The following DNAH17 variants were observed in gnomAD, a reference collection of about 807,000 sequenced individuals.
DNAH17 encodes dynein axonemal heavy chain 17.
A neutral mutation model predicts 485.6 loss-of-function variants in DNAH17; 376 were observed. That is an observed-to-expected ratio of 0.77 (90% CI 0.71 to 0.84). The LOEUF (loss-of-function observed/expected upper bound fraction) is 0.84, where lower values mean the gene tolerates loss of function less well. Among genes scored for constraint, DNAH17 ranks in the 40% least tolerant of loss-of-function variants. The pLI, the probability that DNAH17 is intolerant of heterozygous loss-of-function variation, is 0.00. For missense variants in DNAH17, 6,370 were observed against 5,839.3 expected, an observed-to-expected ratio of 1.09 and a Z score of -2.96; for synonymous variants, 3,031 against 2,405.9, an observed-to-expected ratio of 1.26 and a Z score of -7.60.
In DNAH17 at chr17:78,538,970, C is replaced by T. The variant is rs146410713; in HGVS notation, c.2676+767G>A. Among the ~76,000 whole-genome samples, 512 of 152,288 alleles carry T rather than the reference C, an allele frequency of 3.4e-3. 5 individuals are homozygous for T. The highest frequency in any genetic ancestry group is 0.012 in the African/African-American group (485 of 41,564). ...ATGCAGGGCTGGGCACAGTGGTTCA[C>T]GCCTGTAATCCCAGCACTTTGGGAG... On this transcript the variant is annotated intron_variant, in intron 18 of 80. Transcript: ENST00000389840.
In DNAH17 at chr17:78,526,715, T is replaced by TCC. The variant is rs750612888; in HGVS notation, c.3645_3646dup (p.Glu1216GlyfsTer21). 1.6e-5 allele frequency: 25 copies of TCC among 1,609,474 alleles called. No individual in the cohort carries two copies. Among genetic ancestry groups the TCC allele is most frequent in the Non-Finnish European group, 1.8e-5 (21 of 1,176,680 alleles). On this transcript the variant is annotated frameshift_variant, in exon 24 of 81. Transcript: ENST00000389840. LOFTEE classifies it high-confidence loss of function. ...GAACGGGGCCTCGCGCCTGAACCTC[T>TCC]CCCTGAACTCATGTTGCTTGAGCTG...
chr17:78,526,772 G>A (rs779442956), intron 23 of DNAH17, 35 bp from the exon 24 acceptor site: 21 of 1,577,332 alleles, frequency 1.3e-5, no homozygotes, highest in African/African-American at 2.7e-5. Flanking sequence ...AGAGAGTCAC[G>A]GGGCGGCCAC....
intron 80 of DNAH17, 137 bp downstream of exon 80, chr17:78,425,209 C>T (rs1443851307): frequency 5.0e-6 from 4 of 804,900 alleles, no homozygotes; most frequent in Non-Finnish European, 7.8e-6. Context: ...CAGGCTGATG[C>T]CCCCTGAGAG....
chr17:78,554,468 A>AAAAAAAAT (rs2091977226), intron 14 of DNAH17, among the ~76,000 whole-genome samples: 1 of 119,588 alleles, frequency 8.4e-6, no homozygotes. Flanking sequence ...AAAAAAAAAA[A>AAAAAAAAT]AAAGGATAGG....
chr17:78,467,711 G>A (rs944281715), intron 55 of DNAH17, among the ~76,000 whole-genome samples: 1 of 152,140 alleles, frequency 6.6e-6, no homozygotes, highest in African/African-American at 2.4e-5. Context: ...TGTCCTACTA[G>A]GGGAGTTTAG....
intron 54 of DNAH17, among the ~76,000 whole-genome samples, chr17:78,474,589 G>T (rs1407290244): frequency 2.0e-5 from 3 of 152,082 alleles, no homozygotes; most frequent in Non-Finnish European, 4.4e-5. Context: ...CAGTGACCAA[G>T]GGCAGGGATC....
Position 78,542,270 on chromosome 17 carries a change from C to T in DNAH17, c.2532+1587G>A, listed in dbSNP as rs372604903. On this transcript the variant is annotated intron_variant, in intron 17 of 80. Transcript: ENST00000389840. ...TCAAGCAATTCTCCTGCCTCAGCCT[C>T]CCAAGTAGCTAGGATTACAGGTTCC... Among the ~76,000 whole-genome samples the T allele has an allele frequency of 3.9e-5, 6 of 151,910 alleles. No homozygotes were observed. The East Asian group carries it at 9.7e-4, about 24-fold the overall frequency.
chr17:78,568,399 A>G (rs1170141564), intron 9 of DNAH17, among the ~76,000 whole-genome samples: 1 of 152,086 alleles, frequency 6.6e-6, no homozygotes, highest in Non-Finnish European at 1.5e-5. Flanking sequence ...AATGGTGTCC[A>G]CCCTTAAGTC....
intron 44 of DNAH17, 105 bp downstream of exon 44, chr17:78,490,594 C>T: frequency 6.9e-7 from 1 of 1,455,692 alleles, no homozygotes; most frequent in South Asian, 1.4e-5. Context: ...GCCTGATACA[C>T]AGTTTGTGAC....
chr17:78,557,204 C>T (rs972011305), intron 14 of DNAH17, among the ~76,000 whole-genome samples: 1 of 152,222 alleles, frequency 6.6e-6, no homozygotes, highest in African/African-American at 2.4e-5. Flanking sequence ...GATAATCCTA[C>T]TCTGGGTTCC....
chr17:78,509,842 T>C (rs1297180964), intron 27 of DNAH17, among the ~76,000 whole-genome samples: 1 of 152,212 alleles, frequency 6.6e-6, no homozygotes, highest in Admixed American at 6.5e-5. Context: ...CTATTGCATG[T>C]ACGGGGCGGG....
intron 54 of DNAH17, among the ~76,000 whole-genome samples, chr17:78,471,515 T>C (rs532352047): frequency 6.6e-6 from 1 of 152,312 alleles, no homozygotes; most frequent in South Asian, 2.1e-4. Context: ...TCTTTTCCTT[T>C]TTTGTTCCTT....
chr17:78,468,587 T>C (rs931663674), intron 55 of DNAH17, 30 bp downstream of exon 55: 2 of 1,601,146 alleles, frequency 1.2e-6, no homozygotes, highest in Middle Eastern at 1.7e-4. Context: ...AGCTGGGCTC[T>C]TGAGGCCCTG....
chr17:78,426,887 T>C, intron 78 of DNAH17, 39 bp downstream of exon 78: 1 of 1,565,620 alleles, frequency 6.4e-7, no homozygotes, highest in Non-Finnish European at 8.7e-7. Flanking sequence ...GGTTTCACCA[T>C]CCAGCCACGT....
intron 46 of DNAH17, 64 bp from the exon 47 acceptor site, chr17:78,485,821 T>C: frequency 6.3e-7 from 1 of 1,587,208 alleles, no homozygotes; most frequent in Non-Finnish European, 8.6e-7. Flanking sequence ...CTCGTGGGTG[T>C]GCAGGCCATG....
At chr17:78,566,514 A>G (rs2092268560) in intron 11 of DNAH17, 100 bp downstream of exon 11, 5 of 880,870 alleles carry the variant, frequency 5.7e-6, no homozygotes, top group African/African-American at 1.7e-5. Context: ...CATCAGCTCT[A>G]CATGGAGAGG....
At chr17:78,444,346 C>T (rs1399203372) in intron 71 of DNAH17, among the ~76,000 whole-genome samples, 1 of 152,218 alleles carries the variant, frequency 6.6e-6, no homozygotes, top group Non-Finnish European at 1.5e-5. Flanking sequence ...CCTAATGATA[C>T]TCTGAGACAT....
chr17:78,510,786 C>T, intron 26 of DNAH17: 1 of 368,282 alleles, frequency 2.7e-6, no homozygotes, highest in Non-Finnish European at 5.1e-6. Context: ...CCAGAACCTT[C>T]ACGTGTCACC....
intron 57 of DNAH17, among the ~76,000 whole-genome samples, 196 bp from the exon 58 acceptor site, chr17:78,461,904 G>A (rs1291220805): frequency 6.6e-6 from 1 of 152,032 alleles, no homozygotes; most frequent in African/African-American, 2.4e-5. Flanking sequence ...CGTACACAGG[G>A]TCACAAGTAT....
Sources: gnomAD v4.1 joint callset for allele counts (sites outside exome capture counted in the v4.1 genomes callset) on GRCh38, gnomAD v4.1.1 for gene constraint, MANE v1.5 for transcripts, NCBI Gene and HGNC (gene_info 2026-07-23, HGNC 2026-07-21) for gene names.